PRKAR1B: variants seen among roughly 807,000 people sequenced by gnomAD.
PRKAR1B encodes cAMP-dependent protein kinase type I-beta regulatory subunit.
In PRKAR1B, 22 loss-of-function variants were observed where a neutral mutation model predicts 46.5. The ratio of observed to expected loss-of-function variants is 0.47; its 90% confidence interval spans 0.34 to 0.68. The LOEUF (loss-of-function observed/expected upper bound fraction) is 0.68. PRKAR1B is among the 30% of genes least tolerant of loss of function. The probability of loss-of-function intolerance (pLI) is 0.01; values close to 1 mark genes in which losing one functional copy is unlikely to be tolerated. For synonymous variants in PRKAR1B, 259 were observed against 217.7 expected (o/e 1.19, Z -1.67); for missense variants, 445 against 535.6 (o/e 0.83, Z 1.67).
intron 8 of PRKAR1B, among the ~76,000 whole-genome samples, chr7:583,690 ACTCACACC>A (rs897787957): frequency 1.7e-5 from 2 of 117,944 alleles, no homozygotes; most frequent in Non-Finnish European, 3.6e-5. Context: ...CACACGGTGC[ACTCACACC>A]CTCACACACG....
At chr7:676,625 C>T (rs1778321915) in intron 4 of PRKAR1B, among the ~76,000 whole-genome samples, 1 of 152,236 alleles carries the variant, frequency 6.6e-6, no homozygotes, top group Non-Finnish European at 1.5e-5. Flanking sequence ...AGCTCGGCAG[C>T]AGGGCAGGTG....
At chr7:717,965 C>T (rs1780937731) in intron 1 of PRKAR1B, among the ~76,000 whole-genome samples, 1 of 152,086 alleles carries the variant, frequency 6.6e-6, no homozygotes, top group Non-Finnish European at 1.5e-5. Context: ...TCTGCCTTGC[C>T]AGGGGACTCT....
At chr7:665,398 G>A (rs1049980797) in intron 4 of PRKAR1B, among the ~76,000 whole-genome samples, 3 of 152,100 alleles carry the variant, frequency 2.0e-5, no homozygotes, top group Non-Finnish European at 2.9e-5. Flanking sequence ...CGGGGGCCAC[G>A]GGGGAGCTCT....
intron 9 of PRKAR1B, among the ~76,000 whole-genome samples, chr7:557,998 C>T (rs1418630851): frequency 6.6e-6 from 1 of 152,116 alleles, no homozygotes; most frequent in Admixed American, 6.6e-5. Flanking sequence ...TTCCTTGCGA[C>T]TATTTTGATT....
At chr7:657,388 CATGGATGG>C (rs538399335) in intron 4 of PRKAR1B, among the ~76,000 whole-genome samples, 40 of 147,690 alleles carry the variant, frequency 2.7e-4, no homozygotes, top group African/African-American at 9.2e-4. Context: ...TGAATGTGTG[CATGGATGG>C]ATGGATGGAT....
At chr7:696,149 T>A (rs1405294740) in intron 2 of PRKAR1B, among the ~76,000 whole-genome samples, 1 of 151,494 alleles carries the variant, frequency 6.6e-6, no homozygotes, top group Admixed American at 6.6e-5. Context: ...AATTTTTTTA[T>A]TATTATTTGT....
intron 8 of PRKAR1B, among the ~76,000 whole-genome samples, chr7:580,478 G>A (rs1291106880): frequency 6.6e-6 from 1 of 152,112 alleles, no homozygotes; most frequent in Non-Finnish European, 1.5e-5. Flanking sequence ...CTGTTCATCA[G>A]GGGACTGATC....
In PRKAR1B at chr7:684,970, A is replaced by T. The variant is rs545573644; in HGVS notation, c.178-4244T>A. On this transcript the variant is annotated intron_variant, in intron 2 of 10. Coordinates refer to ENST00000537384, the MANE Select transcript of PRKAR1B (RefSeq NM_001164760.2). The stretch of plus-strand genomic sequence containing the variant: ...ACTTCAATATCTAGCTCTAAAATAC[A>T]CTTGTTAAAACATAACCACAATCCC... Among the ~76,000 whole-genome samples, 7 of 151,966 alleles carry T rather than the reference A, an allele frequency of 4.6e-5. 1 individual carries two copies. In the South Asian group the frequency reaches 1.5e-3, roughly 32 times the overall value.
intron 6 of PRKAR1B, among the ~76,000 whole-genome samples, chr7:605,159 G>A (rs1345012540): frequency 1.3e-5 from 2 of 152,256 alleles, no homozygotes; most frequent in Admixed American, 6.5e-5. Context: ...CAGAGCAGGG[G>A]ACACACACCA....
intron 2 of PRKAR1B, among the ~76,000 whole-genome samples, chr7:682,483 C>T (rs1049531967): frequency 5.9e-5 from 9 of 152,130 alleles, no homozygotes; most frequent in Admixed American, 2.6e-4. Flanking sequence ...CGGTGGTTCA[C>T]GCCTGTAACC....
intron 4 of PRKAR1B, among the ~76,000 whole-genome samples, chr7:657,034 T>A (rs1785241889): frequency 6.6e-6 from 1 of 151,282 alleles, no homozygotes. Flanking sequence ...AATGAATGAA[T>A]GAGTGAATAA....
In PRKAR1B at chr7:584,560, C is replaced by A; in HGVS notation, c.717G>T (p.Thr239=). The A allele has an allele frequency of 6.2e-7, 1 of 1,613,644 alleles. No individual in the cohort carries two copies. Among genetic ancestry groups the A allele is most frequent in the Non-Finnish European group, 8.5e-7 (1 of 1,179,846 alleles). The change falls in exon 8 of 11, where the codon ACG becomes ACT. Residue 239 remains threonine, a synonymous_variant. Transcript: ENST00000537384. ...CCTCGTACATCTTGCGTTTCCTCAG[C>A]GTGCTGCCCTGTTCGGGAGAAAGTA... ...DSYRRILMGS[T]LRKRKMYEEF...
chr7:726,838 GC>G, intron 1 of PRKAR1B: 1 of 1,327,688 alleles, frequency 7.5e-7, no homozygotes, highest in South Asian at 2.0e-5. Context: ...GGGGCTGGAG[GC>G]CGACAGCAAG....
At chr7:594,995 C>A (rs1781190006) in intron 7 of PRKAR1B, among the ~76,000 whole-genome samples, 1 of 152,222 alleles carries the variant, frequency 6.6e-6, no homozygotes. Flanking sequence ...CTGGATGGCC[C>A]CAAACCGGCC....
At chr7:562,932 C>G (rs143420927) in intron 9 of PRKAR1B, among the ~76,000 whole-genome samples, 1 of 152,222 alleles carries the variant, frequency 6.6e-6, no homozygotes, top group South Asian at 2.1e-4. Flanking sequence ...CTTTCTCAGC[C>G]AAGTCTCAAT....
intron 8 of PRKAR1B, among the ~76,000 whole-genome samples, chr7:583,696 A>T (rs1583246809): frequency 8.4e-6 from 1 of 119,512 alleles, no homozygotes. Flanking sequence ...GTGCACTCAC[A>T]CCCTCACACA....
In PRKAR1B at chr7:607,493, C is replaced by G. The variant is rs371840421; in HGVS notation, c.441-41G>C. On this transcript the variant is annotated intron_variant, in intron 4 of 10. Transcript: ENST00000537384. The stretch of plus-strand genomic sequence containing the variant: ...CGCCAAATTAGGGCTGCAGGCAGCA[C>G]AGGGACATTTAAACCCTTCCTCCCC... 4 of 1,561,816 alleles carry G rather than the reference C, an allele frequency of 2.6e-6. No individual in the cohort carries two copies. In the African/African-American group the frequency reaches 5.4e-5, roughly 21 times the overall value.
At position 560,056 on chromosome 7, in the gene PRKAR1B, C is replaced by T. The variant is rs1028844728; in HGVS notation, c.892-8586G>A. 3.9e-5 allele frequency among the ~76,000 whole-genome samples: 6 copies of T among 152,246 alleles called. No homozygotes were observed. Among genetic ancestry groups the T allele is most frequent in the East Asian group, 1.9e-4 (1 of 5,172 alleles). ...TGTCTCTAATAATGACAAGGTTTGG[C>T]GGTGTCCCCACCCAAATCTCATCTT... On this transcript the variant is annotated intron_variant, in intron 9 of 10. Coordinates refer to ENST00000537384, the MANE Select transcript of PRKAR1B (RefSeq NM_001164760.2). The surrounding 1 kb of genome is among the most constrained non-coding windows in gnomAD (Gnocchi z 4.2).
Position 657,839 on chromosome 7 carries a change from T to C in PRKAR1B, c.440+19390A>G, listed in dbSNP as rs535549533. ...GTAAAACAAGAAGAAAATAATTGTC[T>C]GGGCTCAGGGGCGCTTTCATTTCTT... On this transcript the variant is annotated intron_variant, in intron 4 of 10. Coordinates refer to ENST00000537384, the MANE Select transcript of PRKAR1B (RefSeq NM_001164760.2). Among the ~76,000 whole-genome samples the C allele has an allele frequency of 1.1e-4, 16 of 152,314 alleles. No individual in the cohort carries two copies. The East Asian group carries it at 3.1e-3, about 29-fold the overall frequency.
Sources: gnomAD v4.1 joint callset for allele counts (sites outside exome capture counted in the v4.1 genomes callset) on GRCh38, gnomAD v4.1.1 for gene constraint, Gnocchi (gnomAD v3.1) non-coding constraint, MANE v1.5 for transcripts, NCBI Gene and HGNC (gene_info 2026-07-23, HGNC 2026-07-21) for gene names.